The following PBX1 variants were observed in gnomAD, a reference collection of about 807,000 sequenced individuals.
The protein encoded by PBX1 is PBX homeobox 1.
A neutral mutation model predicts 53.4 loss-of-function variants in PBX1; 6 were observed. That is an observed-to-expected ratio of 0.11 (90% CI 0.06 to 0.22). PBX1 has a LOEUF of 0.22. Among genes scored for constraint, PBX1 ranks in the 10% least tolerant of loss-of-function variants. The probability of loss-of-function intolerance (pLI) is 1.00; values close to 1 mark genes in which losing one functional copy is unlikely to be tolerated. For synonymous variants in PBX1, 204 were observed against 212.3 expected (o/e 0.96, Z 0.34); for missense variants, 251 against 551.4 (o/e 0.46, Z 5.46).
intron 2 of PBX1, among the ~76,000 whole-genome samples, chr1:164,879,219 T>C (rs1205314111): frequency 2.4e-5 from 3 of 127,176 alleles, no homozygotes; most frequent in Non-Finnish European, 5.6e-5. Flanking sequence ...TCAGTTCAGG[T>C]GAACAAACAT....
Position 164,850,467 on chromosome 1 carries a change from C to CAA in PBX1, c.*3801_*3802dup, listed in dbSNP as rs58819847. ...TTCTTGATTCTTGCTCTTAAAAATA[C>CAA]AAAAAAAAAAATGTTTTGTTTTGTG... On this transcript the variant is annotated 3_prime_UTR_variant, in exon 9 of 9. Coordinates refer to ENST00000420696, the MANE Select transcript of PBX1 (RefSeq NM_002585.4). 700 of 178,850 alleles carry CAA rather than the reference C, an allele frequency of 3.9e-3. 7 individuals are homozygous for CAA. The highest frequency in any genetic ancestry group is 0.034 in the South Asian group (166 of 4,868). 11.1% of individuals were successfully genotyped at this position (178,850 alleles called of 1,614,324 possible).
At chr1:164,666,788 TA>T (rs1475692733) in intron 2 of PBX1, among the ~76,000 whole-genome samples, 1 of 152,150 alleles carries the variant, frequency 6.6e-6, no homozygotes, top group Non-Finnish European at 1.5e-5. Flanking sequence ...AAAAAAGTAG[TA>T]AAAATAAATA....
At chr1:164,561,961 T>C (rs1653081441) in intron 1 of PBX1, among the ~76,000 whole-genome samples, 3 of 152,072 alleles carry the variant, frequency 2.0e-5, no homozygotes, top group East Asian at 1.9e-4. Flanking sequence ...TTTTTTTTTT[T>C]CTACCCCACA....
At chr1:164,783,683 G>C (rs1396319321) in intron 2 of PBX1, among the ~76,000 whole-genome samples, 2 of 152,018 alleles carry the variant, frequency 1.3e-5, no homozygotes, top group African/African-American at 4.8e-5. Context: ...TAGGAGTCTT[G>C]GGCCTGGCTT....
At chr1:164,762,942 G>A (rs2789441) in intron 2 of PBX1, among the ~76,000 whole-genome samples, 62,535 of 151,966 alleles carry the variant, frequency 0.41, 13,745 homozygotes, top group Middle Eastern at 0.52. Flanking sequence ...AATAGCAGCT[G>A]TACTAATATT....
chr1:164,588,473 CTTTTTTTTTTTTT>C (rs371768861), intron 2 of PBX1, among the ~76,000 whole-genome samples: 4,299 of 73,184 alleles, frequency 0.059, 186 homozygotes, highest in Middle Eastern at 0.15. Context: ...CCGGACTAAG[CTTTTTTTTTTTTT>C]TTTTTTTTTT....
intron 5 of PBX1, 56 bp downstream of exon 5, chr1:164,807,733 G>A (rs1259728270): frequency 1.3e-5 from 21 of 1,597,738 alleles, no homozygotes; most frequent in Admixed American, 7.0e-5. Context: ...GGGCCTCCGG[G>A]GCAGGCTCTT....
intron 2 of PBX1, among the ~76,000 whole-genome samples, chr1:164,767,158 T>C (rs931851106): frequency 6.6e-6 from 1 of 152,204 alleles, no homozygotes; most frequent in African/African-American, 2.4e-5. Flanking sequence ...ATTATGTCTG[T>C]TCACTCTTTA....
chr1:164,788,383 G>T (rs1045871661), intron 2 of PBX1, among the ~76,000 whole-genome samples: 1 of 148,868 alleles, frequency 6.7e-6, no homozygotes, highest in African/African-American at 2.5e-5. Context: ...ATTTAATGTT[G>T]GTGTTTTTTT....
At chr1:164,644,164 C>CT (rs1169861414) in intron 2 of PBX1, among the ~76,000 whole-genome samples, 2 of 152,136 alleles carry the variant, frequency 1.3e-5, no homozygotes, top group Non-Finnish European at 2.9e-5. Flanking sequence ...TGGCCAGCTG[C>CT]TTTCTGGTTT....
intron 2 of PBX1, chr1:164,703,044 T>A (rs1449603486): frequency 6.6e-6 from 1 of 152,164 alleles, no homozygotes. Flanking sequence ...GGTCTCACTA[T>A]GTTGTCAGGC....
intron 2 of PBX1, among the ~76,000 whole-genome samples, chr1:164,675,651 A>G (rs529776307): frequency 2.6e-5 from 4 of 152,160 alleles, no homozygotes; most frequent in Admixed American, 6.5e-5. Context: ...TACTGCCTTT[A>G]TGGCTACAAG....
chr1:164,801,946 C>T (rs1669098803), intron 4 of PBX1, among the ~76,000 whole-genome samples: 2 of 152,200 alleles, frequency 1.3e-5, no homozygotes, highest in Admixed American at 6.5e-5. Flanking sequence ...GCGTCACTAG[C>T]TATAATTGGG....
intron 2 of PBX1, among the ~76,000 whole-genome samples, chr1:164,586,601 G>A (rs1654964592): frequency 6.6e-6 from 1 of 152,162 alleles, no homozygotes; most frequent in Non-Finnish European, 1.5e-5. Context: ...CTAGTGAGAT[G>A]GGCGTAAAAT....
At chr1:164,711,205 G>A (rs1369327215) in intron 2 of PBX1, among the ~76,000 whole-genome samples, 1 of 152,144 alleles carries the variant, frequency 6.6e-6, no homozygotes, top group Non-Finnish European at 1.5e-5. Flanking sequence ...CAGCAACCAA[G>A]ACCTCTGCTG....
chr1:164,747,773 A>T (rs574649041), intron 2 of PBX1, among the ~76,000 whole-genome samples: 1 of 152,328 alleles, frequency 6.6e-6, no homozygotes, highest in South Asian at 2.1e-4. Flanking sequence ...ATACTATGAT[A>T]CCAAGGTAGT....
intron 2 of PBX1, among the ~76,000 whole-genome samples, chr1:164,882,586 T>A (rs1558058462): frequency 6.6e-6 from 1 of 152,210 alleles, no homozygotes; most frequent in Admixed American, 6.5e-5. Flanking sequence ...CATATTTTTT[T>A]ACTTTAATAT....
chr1:164,589,820 T>A (rs1655234742), intron 2 of PBX1, among the ~76,000 whole-genome samples: 1 of 152,204 alleles, frequency 6.6e-6, no homozygotes, highest in Admixed American at 6.5e-5. Flanking sequence ...ATCCAGTGAT[T>A]GAAGTTGAAT....
At chr1:164,737,265 T>C (rs930432383) in intron 2 of PBX1, among the ~76,000 whole-genome samples, 2 of 152,162 alleles carry the variant, frequency 1.3e-5, no homozygotes, top group African/African-American at 4.8e-5. Flanking sequence ...TAGTAGTGTC[T>C]AGAGATGTAC....
Sources: allele counts gnomAD v4.1 joint callset (sites outside exome capture counted in the v4.1 genomes callset), GRCh38; gene constraint gnomAD v4.1.1; transcripts MANE v1.5; gene names NCBI Gene and HGNC (gene_info 2026-07-23, HGNC 2026-07-21).